KLHDC4: variants seen among roughly 807,000 people sequenced by gnomAD.
KLHDC4 encodes kelch domain-containing protein 4.
Under a neutral mutation model 62.4 loss-of-function variants are expected in KLHDC4, and 90 were observed. That is an observed-to-expected ratio of 1.44 (90% CI 1.22 to 1.72). KLHDC4 has a LOEUF of 1.72. Among genes scored for constraint, KLHDC4 ranks in the 40% most tolerant of loss-of-function variants. The pLI is 0.00. For missense variants in KLHDC4, 1,025 were observed against 699.7 expected (o/e 1.47, Z -5.25); for synonymous variants, 386 against 284.4 (o/e 1.36, Z -3.59).
rs756142384 is a variant in KLHDC4, at chr16:87,709,575, C to T, written c.1137G>A (p.Gln379=). ...CCTCCTTGACCAGCTGCACAGGCCC[C>T]TGGGTGCCAGCTCCCCCACACGCCG... ...SRPACGGAGT[Q]GPVQLVKEVV... Residue 379 remains glutamine, a synonymous_variant, in exon 10 of 12, where the codon CAG becomes CAA. Transcript: ENST00000270583. 5 of 1,613,006 alleles carry T rather than the reference C, an allele frequency of 3.1e-6. No individual in the cohort carries two copies. In the African/African-American group the frequency reaches 6.7e-5, roughly 22 times the overall value.
At chr16:87,723,378 G>A (rs551740154) in intron 7 of KLHDC4, among the ~76,000 whole-genome samples, 62 of 152,380 alleles carry the variant, frequency 4.1e-4, no homozygotes, top group Admixed American at 1.8e-3. Flanking sequence ...GCGGGTGCAC[G>A]TGGCTGCAGA....
intron 3 of KLHDC4, chr16:87,755,603 G>A (rs2044751760): frequency 4.0e-6 from 1 of 248,604 alleles, no homozygotes; most frequent in South Asian, 4.7e-5. Flanking sequence ...AAGTCTCGCT[G>A]TTGCCCACAA....
intron 7 of KLHDC4, among the ~76,000 whole-genome samples, chr16:87,719,426 G>A (rs1205817421): frequency 6.6e-6 from 1 of 152,126 alleles, no homozygotes; most frequent in Admixed American, 6.5e-5. Flanking sequence ...AATGGATTAA[G>A]GGCGGTGCAA....
chr16:87,722,271 C>T (rs1355818897), intron 7 of KLHDC4, among the ~76,000 whole-genome samples: 1 of 152,200 alleles, frequency 6.6e-6, no homozygotes, highest in Non-Finnish European at 1.5e-5. Flanking sequence ...TTCGTGGCAG[C>T]GCAGAGCCTG....
At chr16:87,750,130 T>C (rs1165642467) in intron 4 of KLHDC4, 6 of 152,220 alleles carry the variant, frequency 3.9e-5, no homozygotes, top group South Asian at 2.1e-4. Context: ...AGGCAGAGTC[T>C]TTAGGGGACG....
At chr16:87,728,946 T>C (rs1010806216) in intron 6 of KLHDC4, among the ~76,000 whole-genome samples, 1 of 152,134 alleles carries the variant, frequency 6.6e-6, no homozygotes, top group African/African-American at 2.4e-5. Context: ...GGCTAATTTT[T>C]TGTATTTTTT....
At chr16:87,720,038 T>A (rs1486419658) in intron 7 of KLHDC4, among the ~76,000 whole-genome samples, 2 of 152,202 alleles carry the variant, frequency 1.3e-5, no homozygotes, top group Non-Finnish European at 2.9e-5. Context: ...CCACTTAGCT[T>A]AGCCTGCAGT....
At chr16:87,749,249 G>A (rs768411187) in intron 4 of KLHDC4, among the ~76,000 whole-genome samples, 8 of 151,954 alleles carry the variant, frequency 5.3e-5, no homozygotes, top group Non-Finnish European at 1.2e-4. Flanking sequence ...GAAGTACAAT[G>A]TGCACGTAAA....
chr16:87,743,624 C>T (rs1290745010), intron 5 of KLHDC4, among the ~76,000 whole-genome samples: 1 of 151,796 alleles, frequency 6.6e-6, no homozygotes, highest in Non-Finnish European at 1.5e-5. Flanking sequence ...CCTGTAGTCC[C>T]AGCTACTCGG....
intron 5 of KLHDC4, chr16:87,742,985 G>A (rs1184045753): frequency 6.6e-6 from 1 of 152,390 alleles, no homozygotes; most frequent in Non-Finnish European, 1.5e-5. Flanking sequence ...TGAAACAGGA[G>A]CACCTGCACA....
chr16:87,748,709 A>T lies in KLHDC4; in HGVS notation c.470T>A (p.Val157Asp). Residue 157 changes from valine (V) to aspartate (D), a missense_variant, in exon 5 of 12, where the codon GTC becomes GAC. Coordinates refer to ENST00000270583, the MANE Select transcript of KLHDC4 (RefSeq NM_017566.4). ...EQFYHYKDLW[V>D]LHLATKTWEQ... ...CCAGGTCTTGGTGGCCAAATGCAGG[A>T]CCCAGAGATCCTTGTAGTGGTAGAA... is the stretch of plus-strand genomic sequence containing the variant. 6.2e-7 allele frequency: 1 copy of T among 1,613,418 alleles called. No homozygotes were observed. The highest frequency in any genetic ancestry group is 8.5e-7 in the Non-Finnish European group (1 of 1,179,886).
chr16:87,729,799 C>G (rs916634591), intron 6 of KLHDC4, among the ~76,000 whole-genome samples: 2 of 152,104 alleles, frequency 1.3e-5, no homozygotes, highest in African/African-American at 4.8e-5. Flanking sequence ...AGTGAAGTCC[C>G]CTGGCCAGCA....
chr16:87,761,800 T>C, intron 2 of KLHDC4, 149 bp downstream of exon 2: 1 of 782,240 alleles, frequency 1.3e-6, no homozygotes, highest in Non-Finnish European at 2.1e-6. Flanking sequence ...CTCATTCCAG[T>C]TCTTCAGCAG....
At chr16:87,712,128 G>C (rs547000353) in intron 8 of KLHDC4, among the ~76,000 whole-genome samples, 3 of 148,960 alleles carry the variant, frequency 2.0e-5, no homozygotes, top group Admixed American at 6.6e-5. Context: ...TTGGGCTGCA[G>C]TGTGGCCAGC....
intron 7 of KLHDC4, among the ~76,000 whole-genome samples, chr16:87,720,803 C>T (rs921969647): frequency 1.3e-5 from 2 of 152,232 alleles, no homozygotes; most frequent in Non-Finnish European, 2.9e-5. Flanking sequence ...GCTCCAGAAG[C>T]CCATGCATGT....
intron 5 of KLHDC4, among the ~76,000 whole-genome samples, chr16:87,731,985 G>C (rs185622541): frequency 6.6e-6 from 1 of 152,208 alleles, no homozygotes; most frequent in African/African-American, 2.4e-5. Flanking sequence ...ATCCGTCTTC[G>C]GCCCAGGATA....
At chr16:87,703,579 C>G (rs1325572527), downstream of KLHDC4, 2 of 152,288 alleles carry the variant, frequency 1.3e-5, no homozygotes, top group Non-Finnish European at 2.9e-5. Flanking sequence ...TTCTTCCCAG[C>G]CAGAGCTTTG....
chr16:87,714,534 C>G lies in KLHDC4; in HGVS notation c.799G>C (p.Asp267His), dbSNP rs764147211. The G allele has an allele frequency of 2.5e-6, 4 of 1,614,084 alleles. No homozygotes were observed. The highest frequency in any genetic ancestry group is 1.7e-5 in the Admixed American group (1 of 60,008). Residue 267 changes from aspartate (D) to histidine (H), a missense_variant, in exon 8 of 12, where the codon GAC becomes CAC. Coordinates refer to ENST00000270583, the MANE Select transcript of KLHDC4 (RefSeq NM_017566.4). ...TCCTCTGGCTTCAGCAGGAACATGTCTGAGTGCCGTGTGCCCTTGTCCACG... is the reference window on the plus strand; with the variant it reads ...TCCTCTGGCTTCAGCAGGAACATGTGTGAGTGCCGTGTGCCCTTGTCCACG... Reference protein sequence around the residue: ...KDVDKGTRHSDMFLLKPEDGR... With the variant: ...KDVDKGTRHSHMFLLKPEDGR...
At chr16:87,757,629 C>T (rs2045190085) in intron 2 of KLHDC4, among the ~76,000 whole-genome samples, 1 of 152,072 alleles carries the variant, frequency 6.6e-6, no homozygotes, top group Non-Finnish European at 1.5e-5. Context: ...GTGGCTCACA[C>T]TTGTAATCCC....
Sources: allele counts gnomAD v4.1 joint callset (sites outside exome capture counted in the v4.1 genomes callset), GRCh38; gene constraint gnomAD v4.1.1; transcripts MANE v1.5; gene names NCBI Gene and HGNC (gene_info 2026-07-23, HGNC 2026-07-21).